The following PTPRQ variants were observed in gnomAD, a reference collection of about 807,000 sequenced individuals.
The protein encoded by PTPRQ is phosphatidylinositol phosphatase PTPRQ.
PTPRQ carries 199 observed loss-of-function variants against 246.0 expected under a neutral mutation model. The observed-to-expected ratio is 0.81, with a 90% CI of 0.72 to 0.91. PTPRQ has a LOEUF of 0.91. PTPRQ is among the 40% of genes least tolerant of loss of function. PTPRQ has a pLI of 0.00. For missense variants in PTPRQ, 2,624 were observed against 2,528.4 expected (o/e 1.04, Z -0.81); for synonymous variants, 869 against 853.2 (o/e 1.02, Z -0.32).
chr12:80,661,905 T>A (rs1900646446), intron 39 of PTPRQ, among the ~76,000 whole-genome samples: 1 of 151,868 alleles, frequency 6.6e-6, no homozygotes, highest in Non-Finnish European at 1.5e-5. Flanking sequence ...AAGAAAATAA[T>A]GATTATCTCT....
At chr12:80,672,165 T>C (rs1239264712) in intron 42 of PTPRQ, among the ~76,000 whole-genome samples, 1 of 151,948 alleles carries the variant, frequency 6.6e-6, no homozygotes. Flanking sequence ...GGCACATTCT[T>C]GGTCTGTTTA....
intron 35 of PTPRQ, among the ~76,000 whole-genome samples, chr12:80,637,421 T>C (rs956067097): frequency 6.6e-6 from 1 of 152,248 alleles, no homozygotes; most frequent in Non-Finnish European, 1.5e-5. Context: ...TTTCAGATAA[T>C]TTTTATTTTG....
intron 39 of PTPRQ, among the ~76,000 whole-genome samples, chr12:80,668,029 G>A (rs1044097871): frequency 6.6e-6 from 1 of 151,800 alleles, no homozygotes. Flanking sequence ...AGAGTCCCTG[G>A]AAAATTTAAA....
intron 28 of PTPRQ, among the ~76,000 whole-genome samples, chr12:80,612,723 A>G (rs183732383): frequency 2.0e-5 from 3 of 150,556 alleles, no homozygotes; most frequent in African/African-American, 7.3e-5. Flanking sequence ...TCACACAAAC[A>G]TCTGTCACCA....
At chr12:80,646,769 A>AG (rs1409055199) in intron 35 of PTPRQ, among the ~76,000 whole-genome samples, 4 of 152,160 alleles carry the variant, frequency 2.6e-5, no homozygotes, top group Non-Finnish European at 4.4e-5. Flanking sequence ...AAAAATCTTT[A>AG]GGGAGAGATT....
chr12:80,446,483 C>T (rs1045765212), intron 3 of PTPRQ, among the ~76,000 whole-genome samples: 2 of 151,582 alleles, frequency 1.3e-5, no homozygotes, highest in South Asian at 2.1e-4. Context: ...AGGTTTGTTA[C>T]GTGGGTATAT....
At chr12:80,545,112 C>T (rs1340958906) in intron 23 of PTPRQ, among the ~76,000 whole-genome samples, 23 of 151,926 alleles carry the variant, frequency 1.5e-4, no homozygotes, top group Non-Finnish European at 5.9e-5. Context: ...GGTTTTTAGC[C>T]CTTCCTAACC....
chr12:80,642,950 T>C (rs1188826624), intron 35 of PTPRQ, among the ~76,000 whole-genome samples: 1 of 132,352 alleles, frequency 7.6e-6, no homozygotes, highest in Non-Finnish European at 1.6e-5. Context: ...AAAAAAACAA[T>C]TGAGTATCTC....
chr12:80,618,938 G>A (rs1375599637), intron 30 of PTPRQ, among the ~76,000 whole-genome samples: 1 of 151,522 alleles, frequency 6.6e-6, no homozygotes, highest in African/African-American at 2.4e-5. Context: ...AAAAAAATAT[G>A]GGATGCTATC....
intron 14 of PTPRQ, 51 bp from the exon 15 acceptor site, chr12:80,505,973 A>C (rs1162344572): frequency 6.6e-7 from 1 of 1,507,164 alleles, no homozygotes; most frequent in African/African-American, 1.4e-5. Flanking sequence ...TCAGCAGAAT[A>C]GATTTTTAGA....
intron 26 of PTPRQ, among the ~76,000 whole-genome samples, chr12:80,602,213 C>T (rs762958503): frequency 6.6e-6 from 1 of 151,694 alleles, no homozygotes; most frequent in African/African-American, 2.4e-5. Flanking sequence ...TTCTAGATTC[C>T]TGTATAGTTA....
chr12:80,473,038 C>CAT (rs1491517956), intron 8 of PTPRQ, among the ~76,000 whole-genome samples: 1 of 56,452 alleles, frequency 1.8e-5, no homozygotes, highest in Non-Finnish European at 6.4e-5. Flanking sequence ...CACACACACT[C>CAT]ACACACACGC....
rs113263850 is a variant in PTPRQ, at chr12:80,657,507, A to G, written c.6116-478A>G. 2.3e-3 allele frequency among the ~76,000 whole-genome samples: 348 copies of G among 151,884 alleles called. 2 individuals carry two copies. Among genetic ancestry groups the G allele is most frequent in the African/African-American group, 8.1e-3 (336 of 41,546 alleles). ...ATATTCTACAAGTACACTCCTATAT[A>G]TATGCAATATGCAAAAATTTCAATT... On this transcript the variant is annotated intron_variant, in intron 38 of 44. Transcript: ENST00000644991.
chr12:80,663,780 C>T lies in PTPRQ; in HGVS notation c.6193-5227C>T, dbSNP rs140598777. 1.4e-4 allele frequency among the ~76,000 whole-genome samples: 21 copies of T among 152,072 alleles called. No individual in the cohort carries two copies. The East Asian group carries it at 2.7e-3, about 20-fold the overall frequency. On this transcript the variant is annotated intron_variant, in intron 39 of 44. Coordinates refer to ENST00000644991, the MANE Select transcript of PTPRQ (RefSeq NM_001145026.2). ...CATGTTCACAACCTAGACCTTTTCACCACCAAGAATTGTAGCCTCTCCATA... is the reference window on the plus strand; with the variant it reads ...CATGTTCACAACCTAGACCTTTTCATCACCAAGAATTGTAGCCTCTCCATA...
At chr12:80,475,154 A>G (rs1413003798) in intron 8 of PTPRQ, among the ~76,000 whole-genome samples, 1 of 152,078 alleles carries the variant, frequency 6.6e-6, no homozygotes. Context: ...AACACTTCAA[A>G]TCATTTGGAA....
chr12:80,642,244 G>A (rs956881463), intron 35 of PTPRQ, among the ~76,000 whole-genome samples: 1 of 152,074 alleles, frequency 6.6e-6, no homozygotes, highest in Non-Finnish European at 1.5e-5. Context: ...TGTCATCTTG[G>A]CTAACAGGCA....
chr12:80,526,390 T>A (rs1895687708), intron 17 of PTPRQ, among the ~76,000 whole-genome samples: 1 of 152,150 alleles, frequency 6.6e-6, no homozygotes, highest in Non-Finnish European at 1.5e-5. Flanking sequence ...ATTAGTGTGG[T>A]TTTTGTATGG....
chr12:80,582,855 A>G (rs894684507), intron 25 of PTPRQ, among the ~76,000 whole-genome samples: 2 of 152,178 alleles, frequency 1.3e-5, no homozygotes, highest in Non-Finnish European at 2.9e-5. Context: ...ACCTTGTCAA[A>G]ACAAAACAAA....
At chr12:80,551,628 G>A (rs968256592) in intron 25 of PTPRQ, among the ~76,000 whole-genome samples, 3 of 152,124 alleles carry the variant, frequency 2.0e-5, no homozygotes, top group South Asian at 2.1e-4. Context: ...GGCACCATGT[G>A]TAGGAGATGG....
Sources: allele counts gnomAD v4.1 joint callset (sites outside exome capture counted in the v4.1 genomes callset), GRCh38; gene constraint gnomAD v4.1.1; transcripts MANE v1.5; gene names NCBI Gene and HGNC (gene_info 2026-07-23, HGNC 2026-07-21).